The following PTPN18 variants were observed in gnomAD, a reference collection of about 807,000 sequenced individuals.
PTPN18 encodes the protein tyrosine-protein phosphatase non-receptor type 18.
A neutral mutation model predicts 65.4 loss-of-function variants in PTPN18; 65 were observed. The observed-to-expected ratio is 0.99, with a 90% CI of 0.81 to 1.22. The LOEUF is 1.22. Among genes scored for constraint, PTPN18 ranks in the 50% most tolerant of loss-of-function variants. The probability of loss-of-function intolerance (pLI) is 0.00; values close to 1 mark genes in which losing one functional copy is unlikely to be tolerated. For synonymous variants in PTPN18, 255 were observed against 267.8 expected, an observed-to-expected ratio of 0.95 and a Z score of 0.47; for missense variants, 616 against 646.5, an observed-to-expected ratio of 0.95 and a Z score of 0.51.
At position 130,373,112 on chromosome 2, in the gene PTPN18, C is replaced by T; in HGVS notation, c.1316-45C>T. The T allele has an allele frequency of 6.4e-7, 1 of 1,555,174 alleles. No homozygotes were observed. The highest frequency in any genetic ancestry group is 8.7e-7 in the Non-Finnish European group (1 of 1,146,696). ...TTCTTCATGTCTGCCAGCTTCCACACACCTCAGCTTCTCCATGAGACCCAC... is the reference window on the plus strand; with the variant it reads ...TTCTTCATGTCTGCCAGCTTCCACATACCTCAGCTTCTCCATGAGACCCAC... On this transcript the variant is annotated intron_variant, in intron 14 of 14. Coordinates refer to ENST00000175756, the MANE Select transcript of PTPN18 (RefSeq NM_014369.4). The surrounding 1 kb of genome is among the most constrained non-coding windows in gnomAD (Gnocchi z 4.1).
In PTPN18 at chr2:130,358,953, C is replaced by A; in HGVS notation, c.180C>A (p.Asn60Lys). 6.2e-7 allele frequency: 1 copy of A among 1,614,200 alleles called. No homozygotes were observed. Among genetic ancestry groups the A allele is most frequent in the Non-Finnish European group, 8.5e-7 (1 of 1,180,022 alleles). Residue 60 changes from asparagine to lysine, a missense_variant, in exon 2 of 15, where the codon AAC becomes AAA. Asn to Lys is a moderately conservative substitution (Grantham distance 94). Around this residue, in one of 3 missense-constraint regions of PTPN18, gnomAD observed 223 missense variants for 210.0 expected, o/e 1.06. Coordinates refer to ENST00000175756, the MANE Select transcript of PTPN18 (RefSeq NM_014369.4). ...AGSRPENVRK[N>K]RYKDVLPYDQ... is the part of the protein sequence containing the mutation. ...GTCGGCCAGAGAACGTGAGGAAGAA[C>A]CGCTACAAAGACGTGCTGCCTTGTA...
At chr2:130,370,828 G>A (rs544193113) in intron 10 of PTPN18, 46 bp downstream of exon 10, 6 of 1,612,336 alleles carry the variant, frequency 3.7e-6, no homozygotes, top group South Asian at 1.1e-5. Context: ...GCCCACTGCT[G>A]TCATTTGCCC....
chr2:130,373,277 C>T lies in PTPN18; in HGVS notation c.*53C>T, dbSNP rs1680641022. On this transcript the variant is annotated 3_prime_UTR_variant, in exon 15 of 15. Coordinates refer to ENST00000175756, the MANE Select transcript of PTPN18 (RefSeq NM_014369.4). This position sits in a 1 kb window ranked among gnomAD's most constrained non-coding sequence, Gnocchi z 4.1. ...TCTTGTGAGCTCGGACTGCTGATGC[C>T]CCGGTGCTGCTGAGCGCCGTGCGCA... 6.8e-7 allele frequency: 1 copy of T among 1,477,338 alleles called. No homozygotes were observed. The highest frequency in any genetic ancestry group is 2.4e-5 in the East Asian group (1 of 42,136). The allele number at this position is 1,477,338 out of a possible 1,614,324, so 91.5% of individuals were successfully genotyped here.
chr2:130,363,555 T>G lies in PTPN18; in HGVS notation c.414+3909T>G, dbSNP rs368608433. 5.7e-4 allele frequency among the ~76,000 whole-genome samples: 87 copies of G among 152,344 alleles called. 2 individuals are homozygous for G. The South Asian group carries it at 0.017, about 30-fold the overall frequency. On this transcript the variant is annotated intron_variant, in intron 5 of 14. Coordinates refer to ENST00000175756, the MANE Select transcript of PTPN18 (RefSeq NM_014369.4). ...CCTAATCTATTTTTGCCTTTATACATTTGCTTACTTTGGACATTTCATATA... is the reference window on the plus strand; with the variant it reads ...CCTAATCTATTTTTGCCTTTATACAGTTGCTTACTTTGGACATTTCATATA...
intron 5 of PTPN18, chr2:130,359,868 C>T (rs768788307): frequency 6.6e-6 from 4 of 603,266 alleles, no homozygotes; most frequent in Non-Finnish European, 1.2e-5. Flanking sequence ...CATTTCACAC[C>T]TTAGACCATA....
rs1229791127 is a variant in PTPN18, at chr2:130,359,647, G to A, written c.414+1G>A. On this transcript the variant is annotated splice_donor_variant, in intron 5 of 14. Transcript: ENST00000175756. LOFTEE classifies it high-confidence loss of function. ...CTGTCGAGAGATAGAGAATGGGCGG[G>A]TAGGTGCCCTCTGCCCCCAGGTTTC... The A allele has an allele frequency of 6.2e-7, 1 of 1,613,990 alleles. No individual in the cohort carries two copies.
intron 5 of PTPN18, among the ~76,000 whole-genome samples, chr2:130,364,149 C>T (rs932466192): frequency 6.6e-6 from 1 of 152,142 alleles, no homozygotes; most frequent in African/African-American, 2.4e-5. Flanking sequence ...AATGGATTAA[C>T]CATTCCTACT....
rs1680710782 is a variant in PTPN18, at chr2:130,375,239, C to T, written c.*2015C>T. ...GTCCTCCACAGCCCTGATAAAATCT[C>T]CAAGTCTCCCAGTTTCGGGTCCCTC... On this transcript the variant is annotated 3_prime_UTR_variant, in exon 15 of 15. Coordinates refer to ENST00000175756, the MANE Select transcript of PTPN18 (RefSeq NM_014369.4). 1 of 153,230 alleles carries T rather than the reference C, an allele frequency of 6.5e-6. No homozygotes were observed. Among genetic ancestry groups the T allele is most frequent in the South Asian group, 2.0e-4 (1 of 4,890 alleles). 9.5% of individuals were successfully genotyped at this position (153,230 alleles called of 1,614,324 possible).
chr2:130,359,293 A>C lies in PTPN18; in HGVS notation c.263A>C (p.Asn88Thr), dbSNP rs776321539. Residue 88 changes from asparagine (N) to threonine (T), a missense_variant, in exon 3 of 15, where the codon AAT becomes ACT. Coordinates refer to ENST00000175756, the MANE Select transcript of PTPN18 (RefSeq NM_014369.4). Reference sequence around the variant, plus strand: ...GAAGAGGGACACAGCGACTACATTAATGGCAACTTCATCCGGGTGAGGGTT... The same window carrying C: ...GAAGAGGGACACAGCGACTACATTACTGGCAACTTCATCCGGGTGAGGGTT... ...LQEEGHSDYI[N>T]GNFIRGVDGS... 6.2e-7 allele frequency: 1 copy of C among 1,614,002 alleles called. No homozygotes were observed. The highest frequency in any genetic ancestry group is 1.3e-5 in the African/African-American group (1 of 74,926).
At chr2:130,372,701 T>C in intron 13 of PTPN18, 172 bp from the exon 14 acceptor site, 1 of 972,786 alleles carries the variant, frequency 1.0e-6, no homozygotes, top group Non-Finnish European at 1.5e-6. Context: ...TGGCAATACT[T>C]GTCTTGGCCG....
At position 130,370,766 on chromosome 2, in the gene PTPN18, C is replaced by A; in HGVS notation, c.818C>A (p.Ala273Glu). The A allele has an allele frequency of 6.2e-7, 1 of 1,614,116 alleles. No individual in the cohort carries two copies. Residue 273 changes from alanine (A) to glutamate (E), a missense_variant, in exon 10 of 15, where the codon GCG becomes GAG. By Grantham distance (107) the Ala-to-Glu change is moderately radical. Coordinates refer to ENST00000175756, the MANE Select transcript of PTPN18 (RefSeq NM_014369.4). ...CTTAAGATGAGGAAGCAGCGGCCTG[C>A]GGCCGTGCAGACAGAGGTGAACCCT... ...VVLKMRKQRP[A>E]AVQTEEQYRF...
chr2:130,373,280 G>T lies in PTPN18; in HGVS notation c.*56G>T. 1.4e-6 allele frequency: 2 copies of T among 1,469,452 alleles called. No homozygotes were observed. Among genetic ancestry groups the T allele is most frequent in the Admixed American group, 2.4e-5 (1 of 41,344 alleles). The allele number at this position is 1,469,452 out of a possible 1,614,324, so 91.0% of individuals were successfully genotyped here. Reference sequence around the variant, plus strand: ...TGTGAGCTCGGACTGCTGATGCCCCGGTGCTGCTGAGCGCCGTGCGCAGAA... The same window carrying T: ...TGTGAGCTCGGACTGCTGATGCCCCTGTGCTGCTGAGCGCCGTGCGCAGAA... On this transcript the variant is annotated 3_prime_UTR_variant, in exon 15 of 15. Transcript: ENST00000175756. The surrounding 1 kb of genome is among the most constrained non-coding windows in gnomAD (Gnocchi z 4.1).
rs1013434538 is a variant in PTPN18 at position 130,372,489 on chromosome 2, T to A, written c.1240+6T>A. 7.2e-7 allele frequency: 1 copy of A among 1,382,138 alleles called. No homozygotes were observed. The highest frequency in any genetic ancestry group is 1.5e-5 in the African/African-American group (1 of 65,276). The allele number at this position is 1,382,138 out of a possible 1,614,324, so 85.6% of individuals were successfully genotyped here. On this transcript the variant is annotated splice_donor_region_variant and intron_variant, in intron 13 of 14. Transcript: ENST00000175756. The stretch of plus-strand genomic sequence containing the variant: ...GGGGACGCTGCCTGGCCGCGGTGAG[T>A]CGAGGCTTGCTCCTTCTCAGGGCAT...
chr2:130,369,733 C>G, intron 6 of PTPN18, 32 bp from the exon 7 acceptor site: 1 of 1,531,060 alleles, frequency 6.5e-7, no homozygotes, highest in Non-Finnish European at 9.0e-7. Flanking sequence ...GTTCTCCTCC[C>G]TCTTCTTACT....
rs560219406 is a variant in PTPN18 at position 130,372,308 on chromosome 2, G to A, written c.1065G>A (p.Ala355=). The A allele has an allele frequency of 2.6e-6, 4 of 1,534,272 alleles. No individual in the cohort carries two copies. Among genetic ancestry groups the A allele is most frequent in the South Asian group, 2.4e-5 (2 of 84,026 alleles). Residue 355 remains alanine, a synonymous_variant, in exon 13 of 15, where the codon GCG becomes GCA. Coordinates refer to ENST00000175756, the MANE Select transcript of PTPN18 (RefSeq NM_014369.4). ...SPGHAMADTY[A]VVQKRGAPAG... is the part of the protein sequence containing the mutation. ...GCCACGCCATGGCTGACACCTACGC[G>A]GTGGTGCAGAAGCGCGGGGCTCCAG...
In PTPN18 at chr2:130,370,559, CG is replaced by C; in HGVS notation, c.695del (p.Gly232ValfsTer14). The C allele has an allele frequency of 6.2e-7, 1 of 1,614,096 alleles. No individual in the cohort carries two copies. The highest frequency in any genetic ancestry group is 1.7e-5 in the Admixed American group (1 of 60,012). On this transcript the variant is annotated frameshift_variant, in exon 9 of 15. Coordinates refer to ENST00000175756, the MANE Select transcript of PTPN18 (RefSeq NM_014369.4). LOFTEE classifies it high-confidence loss of function. ...GCACACTCTGATTCTCTTGTCAGTG[CG>C]GGTTGTGGGCGAACAGGCGTCCTGT... ...GPEPLCVHCS[A>X]GCGRTGVLCT...
At chr2:130,358,425 C>T (rs1185884415) in intron 1 of PTPN18, among the ~76,000 whole-genome samples, 1 of 152,134 alleles carries the variant, frequency 6.6e-6, no homozygotes, top group African/African-American at 2.4e-5. Flanking sequence ...ATATGTTTAG[C>T]TACATAGCCC....
At chr2:130,363,204 T>A (rs1680276375) in intron 5 of PTPN18, among the ~76,000 whole-genome samples, 1 of 151,038 alleles carries the variant, frequency 6.6e-6, no homozygotes, top group South Asian at 2.1e-4. Flanking sequence ...ATCCCAGCAC[T>A]TTGGGAGGCT....
Position 130,371,293 on chromosome 2 carries a change from C to T in PTPN18, c.1013+6C>T, listed in dbSNP as rs752726446. On this transcript the variant is annotated splice_donor_region_variant and intron_variant, in intron 12 of 14. Transcript: ENST00000175756. ...CCACCAGGAGGGGTCCTCAGGTACC[C>T]GGCTCCATCCCCGGATTCTTCCCTG... 10 of 1,572,224 alleles carry T rather than the reference C, an allele frequency of 6.4e-6. No individual in the cohort carries two copies. In the African/African-American group the frequency reaches 6.8e-5, roughly 11 times the overall value.
Sources: gnomAD v4.1 joint callset for allele counts (sites outside exome capture counted in the v4.1 genomes callset) on GRCh38, gnomAD v4.1.1 for gene constraint, gnomAD v4.1.1 regional missense constraint, Gnocchi (gnomAD v3.1) non-coding constraint, MANE v1.5 for transcripts, NCBI Gene and HGNC (gene_info 2026-07-23, HGNC 2026-07-21) for gene names.